Variants in GRID1 observed in about 807,000 individuals in gnomAD.
GRID1 encodes glutamate ionotropic receptor delta type subunit 1, also known as glutamate receptor ionotropic, delta-1.
GRID1 carries 28 observed loss-of-function variants against 98.0 expected under a neutral mutation model. That is an observed-to-expected ratio of 0.29 (90% confidence interval 0.21 to 0.39). The LOEUF (loss-of-function observed/expected upper bound fraction) is 0.39, where lower values mean the gene tolerates loss of function less well. Among genes scored for constraint, GRID1 ranks in the 10% least tolerant of loss-of-function variants. GRID1 has a pLI of 1.00. For synonymous variants in GRID1, 553 were observed against 538.5 expected, an observed-to-expected ratio of 1.03 and a Z score of -0.37; for missense variants, 1,111 against 1,340.5, an observed-to-expected ratio of 0.83 and a Z score of 2.67.
intron 13 of GRID1, among the ~76,000 whole-genome samples, chr10:85,641,208 G>GA (rs965618362): frequency 3.0e-4 from 46 of 151,844 alleles, no homozygotes; most frequent in Admixed American, 3.9e-4. Context: ...TCAAGCTAAA[G>GA]AAAAAAAATC....
intron 5 of GRID1, among the ~76,000 whole-genome samples, chr10:85,912,819 C>G (rs1841559244): frequency 6.6e-6 from 1 of 152,264 alleles, no homozygotes; most frequent in Non-Finnish European, 1.5e-5. Context: ...TTTATTTTCC[C>G]CCTTATTTTA....
At chr10:86,261,437 C>T (rs2132055246) in intron 2 of GRID1, among the ~76,000 whole-genome samples, 1 of 152,272 alleles carries the variant, frequency 6.6e-6, no homozygotes, top group South Asian at 2.1e-4. Flanking sequence ...TGCTCAGTAG[C>T]TGTCATTACT....
At chr10:85,854,745 A>G (rs1843092955) in intron 7 of GRID1, 130 bp from the exon 8 acceptor site, 1 of 826,542 alleles carries the variant, frequency 1.2e-6, no homozygotes, top group Non-Finnish European at 2.0e-6. Flanking sequence ...GACAGGCTGT[A>G]ATGAGGACAA....
chr10:85,722,171 G>A (rs1396197487), intron 12 of GRID1, among the ~76,000 whole-genome samples: 1 of 152,168 alleles, frequency 6.6e-6, no homozygotes, highest in East Asian at 1.9e-4. Context: ...TGGACGACTT[G>A]ATTAAGAGCT....
At chr10:85,870,977 A>G (rs1404343694) in intron 5 of GRID1, among the ~76,000 whole-genome samples, 1 of 152,088 alleles carries the variant, frequency 6.6e-6, no homozygotes, top group Non-Finnish European at 1.5e-5. Context: ...TTAGAGAGGA[A>G]CAAAACTGGA....
At chr10:86,260,117 C>A (rs966647672) in intron 2 of GRID1, among the ~76,000 whole-genome samples, 3 of 152,230 alleles carry the variant, frequency 2.0e-5, no homozygotes, top group African/African-American at 7.2e-5. Context: ...AGGGCAACAA[C>A]CAGCATTCCT....
chr10:85,679,310 G>A (rs1047481971), intron 12 of GRID1, among the ~76,000 whole-genome samples: 5 of 152,174 alleles, frequency 3.3e-5, no homozygotes, highest in African/African-American at 9.7e-5. Context: ...GACTCCTGTC[G>A]AAGGCTTTGT....
intron 8 of GRID1, among the ~76,000 whole-genome samples, chr10:85,795,512 C>A (rs1400282630): frequency 1.3e-5 from 2 of 152,144 alleles, no homozygotes; most frequent in Non-Finnish European, 2.9e-5. Flanking sequence ...CTTAAATGCA[C>A]TTGAATACAA....
At chr10:86,014,891 A>C (rs1216435089) in intron 4 of GRID1, among the ~76,000 whole-genome samples, 1 of 152,098 alleles carries the variant, frequency 6.6e-6, no homozygotes, top group Non-Finnish European at 1.5e-5. Context: ...ACATCTACTC[A>C]AGCCCTCACT....
At chr10:86,273,620 T>C (rs199922854) in intron 2 of GRID1, among the ~76,000 whole-genome samples, 111 of 149,260 alleles carry the variant, frequency 7.4e-4, no homozygotes, top group African/African-American at 1.1e-3. Context: ...TGGTGTGAGG[T>C]AGTATCTCAT....
Position 85,952,732 on chromosome 10 carries a change from C to A in GRID1, c.727-36493G>T, listed in dbSNP as rs76551669. Among the ~76,000 whole-genome samples, 12 of 152,212 alleles carry A rather than the reference C, an allele frequency of 7.9e-5. No individual in the cohort carries two copies. In the East Asian group the frequency reaches 9.7e-4, roughly 12 times the overall value. On this transcript the variant is annotated intron_variant, in intron 4 of 15. Transcript: ENST00000327946. ...ATGGGTTCTCTCTGGTATGATCCCC[C>A]CCTCCAAACCAATGATCTAGGCTAT...
At chr10:86,250,355 C>T (rs12259811) in intron 2 of GRID1, among the ~76,000 whole-genome samples, 8,173 of 152,214 alleles carry the variant, frequency 0.054, 339 homozygotes, top group African/African-American at 0.12. Flanking sequence ...GCAGCCCCTC[C>T]GTTTCTACAG....
chr10:86,228,798 C>G (rs34348647), intron 2 of GRID1, among the ~76,000 whole-genome samples: 42,567 of 151,976 alleles, frequency 0.28, 6,884 homozygotes, highest in Non-Finnish European at 0.38. Context: ...TCCCTCCTGG[C>G]CCGGCCACTC....
chr10:85,708,147 T>C (rs1239766773), intron 12 of GRID1, among the ~76,000 whole-genome samples: 1 of 444 alleles, frequency 2.3e-3, no homozygotes, highest in African/African-American at 0.012. Flanking sequence ...GATTAGCCTA[T>C]AATCCCCAGC....
At chr10:86,239,564 C>T (rs868852367) in intron 2 of GRID1, among the ~76,000 whole-genome samples, 2 of 152,130 alleles carry the variant, frequency 1.3e-5, no homozygotes, top group South Asian at 2.1e-4. Context: ...TTATAATCCC[C>T]GTGTTGGAGG....
chr10:86,322,963 C>T (rs58667915), intron 2 of GRID1, among the ~76,000 whole-genome samples: 8,811 of 151,496 alleles, frequency 0.058, 794 homozygotes, highest in East Asian at 0.48. Context: ...GGTGTGGTGC[C>T]GCACACCTGT....
At chr10:85,635,962 T>C (rs2132540553) in intron 13 of GRID1, among the ~76,000 whole-genome samples, 1 of 152,352 alleles carries the variant, frequency 6.6e-6, no homozygotes, top group Admixed American at 6.5e-5. Flanking sequence ...AGTTCAATAC[T>C]GACTCAAGCT....
intron 8 of GRID1, among the ~76,000 whole-genome samples, chr10:85,820,071 A>AGGC (rs1842753084): frequency 1.2e-5 from 1 of 85,356 alleles, no homozygotes; most frequent in Non-Finnish European, 2.2e-5. Context: ...GGCAGGCAGG[A>AGGC]AGGCAGGTAG....
chr10:85,705,217 T>C (rs1464457256), intron 12 of GRID1, among the ~76,000 whole-genome samples: 1 of 151,874 alleles, frequency 6.6e-6, no homozygotes, highest in Non-Finnish European at 1.5e-5. Flanking sequence ...ATTGATAGAC[T>C]CCTAGCAAGA....
Sources: gnomAD v4.1 joint callset for allele counts (sites outside exome capture counted in the v4.1 genomes callset) on GRCh38, gnomAD v4.1.1 for gene constraint, MANE v1.5 for transcripts, NCBI Gene and HGNC (gene_info 2026-07-23, HGNC 2026-07-21) for gene names.